CDK10: variants seen among roughly 807,000 people sequenced by gnomAD.
The protein encoded by CDK10 is cyclin dependent kinase 10.
In CDK10, 55 loss-of-function variants were observed where a neutral mutation model predicts 51.0. The observed-to-expected ratio is 1.08, with a 90% CI of 0.87 to 1.35. The LOEUF is 1.35. Ranked by LOEUF, CDK10 falls within the 40% of genes most tolerant of loss-of-function variation. The probability of loss-of-function intolerance (pLI) is 0.00; values close to 1 mark genes in which losing one functional copy is unlikely to be tolerated. For missense variants in CDK10, 589 were observed against 485.1 expected, an observed-to-expected ratio of 1.21 and a Z score of -2.01; for synonymous variants, 255 against 199.1, an observed-to-expected ratio of 1.28 and a Z score of -2.36.
intron 1 of CDK10, chr16:89,687,004 CG>C: frequency 6.1e-6 from 3 of 490,798 alleles, no homozygotes; most frequent in South Asian, 6.1e-5. Flanking sequence ...TCTGAGGGGC[CG>C]GGGCGGGCTC....
rs1364462374 is a variant in CDK10 at position 89,687,236 on chromosome 16, G to C, written c.87+439G>C. On this transcript the variant is annotated intron_variant, in intron 1 of 12. Coordinates refer to ENST00000353379, the MANE Select transcript of CDK10 (RefSeq NM_052988.5). ...GAGCGGGGTCCAGCGCTGCCTGGCGGCTTCACGCGAACCCTGGGCGCGTCC... is the reference window on the plus strand; with the variant it reads ...GAGCGGGGTCCAGCGCTGCCTGGCGCCTTCACGCGAACCCTGGGCGCGTCC... 5 of 331,818 alleles carry C rather than the reference G, an allele frequency of 1.5e-5. No individual in the cohort carries two copies. The East Asian group carries it at 3.9e-4, about 26-fold the overall frequency. 20.6% of individuals were successfully genotyped at this position (331,818 alleles called of 1,614,324 possible).
intron 1 of CDK10, chr16:89,687,449 A>T: frequency 4.4e-6 from 2 of 455,856 alleles, no homozygotes; most frequent in South Asian, 3.1e-5. Flanking sequence ...TCATTAACAG[A>T]TCGTGGCTGG....
intron 1 of CDK10, among the ~76,000 whole-genome samples, chr16:89,688,293 A>T (rs1388423037): frequency 6.6e-6 from 1 of 151,900 alleles, no homozygotes; most frequent in African/African-American, 2.4e-5. Context: ...CGTGTTAGTC[A>T]GGGTGCTCTA....
intron 1 of CDK10, 98 bp from the exon 2 acceptor site, chr16:89,689,154 G>C: frequency 1.8e-6 from 2 of 1,105,252 alleles, no homozygotes; most frequent in Non-Finnish European, 2.7e-6. Context: ...TGGTGAGCAA[G>C]ACGTGAGTGG....
chr16:89,691,149 G>A (rs1052637100), intron 3 of CDK10, among the ~76,000 whole-genome samples: 7 of 152,212 alleles, frequency 4.6e-5, no homozygotes, highest in Non-Finnish European at 1.0e-4. Context: ...GCCAGGCGTG[G>A]TGGCACATGC....
chr16:89,691,951 T>C, intron 5 of CDK10, 64 bp downstream of exon 5: 2 of 1,394,826 alleles, frequency 1.4e-6, no homozygotes, highest in African/African-American at 1.4e-5. Context: ...TGCACATTTA[T>C]AACGAAACAG....
At position 89,693,445 on chromosome 16, in the gene CDK10, AC is replaced by A. The variant is rs1160751314; in HGVS notation, c.591del (p.Lys198ArgfsTer53). 1 of 1,613,840 alleles carries A rather than the reference AC, an allele frequency of 6.2e-7. No individual in the cohort carries two copies. Among genetic ancestry groups the A allele is most frequent in the Non-Finnish European group, 8.5e-7 (1 of 1,180,008 alleles). ...RAYGVPVKPMTPKVVTLWYRA... is the reference protein window; with the variant it reads ...RAYGVPVKPMXPKVVTLWYRA... ...CTATGGTGTCCCAGTAAAGCCAATG[AC>A]CCCCAAGGTGGTCACTCTCTGGTAA... On this transcript the variant is annotated frameshift_variant, in exon 8 of 13. Transcript: ENST00000353379. LOFTEE classifies it high-confidence loss of function.
intron 2 of CDK10, chr16:89,689,676 A>T: frequency 4.4e-6 from 1 of 229,028 alleles, no homozygotes; most frequent in Non-Finnish European, 8.7e-6. Flanking sequence ...ACCTGAGCCC[A>T]GGTGTTTTTT....
intron 6 of CDK10, 40 bp downstream of exon 6, chr16:89,692,556 C>T: frequency 1.3e-6 from 2 of 1,492,560 alleles, no homozygotes; most frequent in South Asian, 2.5e-5. Flanking sequence ...ACAAATTCGG[C>T]TGAGGCCTAA....
At chr16:89,694,382 C>A in intron 9 of CDK10, 150 bp downstream of exon 9, 1 of 937,702 alleles carries the variant, frequency 1.1e-6, no homozygotes, top group Non-Finnish European at 1.7e-6. Flanking sequence ...GGGCCTGAGC[C>A]TGGAAACCCA....
At chr16:89,692,366 T>C in intron 5 of CDK10, 83 bp from the exon 6 acceptor site, 1 of 1,063,332 alleles carries the variant, frequency 9.4e-7, no homozygotes. Flanking sequence ...CTGCTAGTCC[T>C]GCTGGCCAGT....
At position 89,696,095 on chromosome 16, in the gene CDK10, T is replaced by A; in HGVS notation, c.*403T>A. On this transcript the variant is annotated 3_prime_UTR_variant, in exon 13 of 13. Transcript: ENST00000353379. The stretch of plus-strand genomic sequence containing the variant: ...GGGCCCAGAAGACCTTCGTATCCCC[T>A]CTCAGTCGCCCGGGGCTGTCCCGTG... 2.0e-6 allele frequency: 1 copy of A among 489,594 alleles called. No individual in the cohort carries two copies. The highest frequency in any genetic ancestry group is 2.1e-5 in the South Asian group (1 of 46,672). 30.3% of individuals were successfully genotyped at this position (489,594 alleles called of 1,614,324 possible).
chr16:89,691,313 C>T (rs1019559352), intron 3 of CDK10, 130 bp from the exon 4 acceptor site: 5 of 619,220 alleles, frequency 8.1e-6, no homozygotes, highest in African/African-American at 1.9e-5. Flanking sequence ...TTGGGGTCGC[C>T]CCAATTCTCC....
rs747925198 is a variant in CDK10, at chr16:89,693,446, C to A, written c.587C>A (p.Thr196Asn). ...TATGGTGTCCCAGTAAAGCCAATGACCCCCAAGGTGGTCACTCTCTGGTAA... is the reference window on the plus strand; with the variant it reads ...TATGGTGTCCCAGTAAAGCCAATGAACCCCAAGGTGGTCACTCTCTGGTAA... ...RAYGVPVKPM[T>N]PKVVTLWYRA... The change falls in exon 8 of 13, where the codon ACC becomes AAC. Residue 196 changes from threonine to asparagine, a missense_variant. Thr to Asn is a moderately conservative substitution (Grantham distance 65). Coordinates refer to ENST00000353379, the MANE Select transcript of CDK10 (RefSeq NM_052988.5). 4.3e-6 allele frequency: 7 copies of A among 1,614,042 alleles called. No homozygotes were observed. In the African/African-American group the frequency reaches 9.3e-5, roughly 22 times the overall value.
intron 8 of CDK10, chr16:89,693,683 C>T: frequency 1.7e-6 from 1 of 596,964 alleles, no homozygotes; most frequent in Non-Finnish European, 3.0e-6. Flanking sequence ...CAAGGGCCTG[C>T]CTAGATCAGA....
intron 2 of CDK10, 145 bp from the exon 3 acceptor site, chr16:89,690,408 G>T (rs2060390595): frequency 7.0e-6 from 5 of 711,008 alleles, no homozygotes; most frequent in African/African-American, 1.7e-5. Flanking sequence ...GCGTTGCACA[G>T]AGTGGGGACT....
At position 89,695,604 on chromosome 16, in the gene CDK10, C is replaced by T. The variant is rs747783107; in HGVS notation, c.995C>T (p.Pro332Leu). 2.4e-5 allele frequency: 38 copies of T among 1,604,052 alleles called. No individual in the cohort carries two copies. Among genetic ancestry groups the T allele is most frequent in the Admixed American group, 8.4e-5 (5 of 59,314 alleles). ...YFKEKPLPCE[P>L]ELMPTFPHHR... ...ACCCTTCTCCCTGCAGCCTGTGAGC[C>T]GGAGCTCATGCCGACCTTTCCCCAC... Residue 332 changes from proline (P) to leucine (L), a missense_variant, in exon 13 of 13, where the codon CCG becomes CTG. Pro to Leu is a moderately conservative substitution (Grantham distance 98). Transcript: ENST00000353379.
chr16:89,690,671 G>C, intron 3 of CDK10, 47 bp downstream of exon 3: 1 of 1,504,840 alleles, frequency 6.6e-7, no homozygotes, highest in Middle Eastern at 1.7e-4. Flanking sequence ...GGAGGAGGCA[G>C]AAGGATGTGA....
At position 89,695,074 on chromosome 16, in the gene CDK10, C is replaced by T. The variant is rs1322335503; in HGVS notation, c.932+4C>T. On this transcript the variant is annotated splice_donor_region_variant and intron_variant, in intron 11 of 12. Coordinates refer to ENST00000353379, the MANE Select transcript of CDK10 (RefSeq NM_052988.5). ...TCATGTACGACCCTAAGAAAAGGTG[C>T]TGATCTCTGCACGGGGGGCAGGGAC... 1 of 1,611,492 alleles carries T rather than the reference C, an allele frequency of 6.2e-7. No homozygotes were observed. The highest frequency in any genetic ancestry group is 8.5e-7 in the Non-Finnish European group (1 of 1,179,330).
Sources: allele counts gnomAD v4.1 joint callset (sites outside exome capture counted in the v4.1 genomes callset), GRCh38; gene constraint gnomAD v4.1.1; transcripts MANE v1.5; gene names NCBI Gene and HGNC (gene_info 2026-07-23, HGNC 2026-07-21).